Variants in CNKSR2 observed in about 807,000 individuals in gnomAD.
CNKSR2 encodes the protein connector enhancer of kinase suppressor of Ras 2.
In CNKSR2, 14 loss-of-function variants were observed where a neutral mutation model predicts 84.4. The observed-to-expected ratio is 0.17, with a 90% CI of 0.11 to 0.26. The LOEUF (loss-of-function observed/expected upper bound fraction) is 0.26. Among genes scored for constraint, CNKSR2 ranks in the 10% least tolerant of loss-of-function variants. The probability of loss-of-function intolerance (pLI) is 1.00; values close to 1 mark genes in which losing one functional copy is unlikely to be tolerated. For synonymous variants in CNKSR2, 275 were observed against 277.9 expected (o/e 0.99, Z 0.10); for missense variants, 485 against 771.2 (o/e 0.63, Z 4.40).
chrX:21,527,301 G>T (rs2091844542), intron 10 of CNKSR2, among the ~76,000 whole-genome samples: 1 of 110,163 alleles, frequency 9.1e-6, no homozygotes, highest in African/African-American at 3.3e-5. Flanking sequence ...AACAATAAGT[G>T]AGGCTGTTTG....
chrX:21,572,008 C>G (rs1481511077), intron 13 of CNKSR2, among the ~76,000 whole-genome samples: 1 of 112,307 alleles, frequency 8.9e-6, no homozygotes. Flanking sequence ...TTCTCCCAAT[C>G]AAGGTACATT....
intron 20 of CNKSR2, among the ~76,000 whole-genome samples, chrX:21,627,289 G>A (rs1319891312): frequency 3.7e-5 from 4 of 109,048 alleles, no homozygotes; most frequent in African/African-American, 1.3e-4. Context: ...TCAGGAGATC[G>A]AGACCATCCT....
chrX:21,374,688 C>G lies in CNKSR2; in HGVS notation c.-210C>G, dbSNP rs780422229. On this transcript the variant is annotated 5_prime_UTR_variant, in exon 1 of 22. Coordinates refer to ENST00000379510, the MANE Select transcript of CNKSR2 (RefSeq NM_014927.5). ...GCAGACCCGGCGCGGAGCCACGACT[C>G]CTGCACGTTTACCTCCCTGTCGCCG... The G allele has an allele frequency of 2.0e-6, 1 of 508,629 alleles. No homozygotes were observed. Among genetic ancestry groups the G allele is most frequent in the East Asian group, 3.7e-5 (1 of 27,026 alleles). 41.9% of individuals were successfully genotyped at this position (508,629 alleles called of 1,213,427 possible). A position where few individuals can be genotyped will look rare whatever the true frequency, so the allele number is the denominator to read the frequency against.
At chrX:21,465,109 G>A (rs2091110025) in intron 4 of CNKSR2, among the ~76,000 whole-genome samples, 2 of 111,986 alleles carry the variant, frequency 1.8e-5, no homozygotes, top group African/African-American at 3.2e-5. Flanking sequence ...TTAGGGCCAG[G>A]TAAAATATCA....
At chrX:21,603,162 C>T (rs891721731) in intron 18 of CNKSR2, among the ~76,000 whole-genome samples, 1 of 112,207 alleles carries the variant, frequency 8.9e-6, no homozygotes, top group African/African-American at 3.2e-5. Context: ...GAATCATAGG[C>T]AGAAGCTAGT....
chrX:21,389,428 T>C (rs1330690355), intron 1 of CNKSR2, among the ~76,000 whole-genome samples: 1 of 110,861 alleles, frequency 9.0e-6, no homozygotes, highest in Non-Finnish European at 1.9e-5. Flanking sequence ...TTTTTGCAAC[T>C]TTTCTGTAGA....
chrX:21,606,638 CCAAGG>C, intron 18 of CNKSR2, 136 bp from the exon 19 acceptor site: 1 of 377,162 alleles, frequency 2.7e-6, no homozygotes, highest in South Asian at 7.3e-5. Flanking sequence ...AGTTGGTAGG[CCAAGG>C]GTAAGGTAGT....
At chrX:21,639,379 A>C (rs1200865933) in intron 20 of CNKSR2, among the ~76,000 whole-genome samples, 3 of 112,014 alleles carry the variant, frequency 2.7e-5, no homozygotes, top group Non-Finnish European at 5.6e-5. Flanking sequence ...GTACACGTAT[A>C]CTTAAGATTC....
At chrX:21,379,116 T>C (rs982363526) in intron 1 of CNKSR2, among the ~76,000 whole-genome samples, 12 of 112,661 alleles carry the variant, frequency 1.1e-4, no homozygotes, top group African/African-American at 3.9e-4. Context: ...ATGTAGTGAT[T>C]ATATAAAGTC....
chrX:21,485,209 G>T (rs1188078881), intron 5 of CNKSR2, among the ~76,000 whole-genome samples: 1 of 111,257 alleles, frequency 9.0e-6, no homozygotes, highest in East Asian at 2.8e-4. Flanking sequence ...AACAATAGTA[G>T]CTAAAACTTC....
chrX:21,412,401 C>G (rs1034432316), intron 1 of CNKSR2, among the ~76,000 whole-genome samples: 1 of 112,105 alleles, frequency 8.9e-6, no homozygotes, highest in Non-Finnish European at 1.9e-5. Flanking sequence ...CATTTAGATA[C>G]AAAATTCTTT....
chrX:21,624,163 G>C (rs774267983), intron 20 of CNKSR2, among the ~76,000 whole-genome samples: 24 of 111,757 alleles, frequency 2.1e-4, no homozygotes, highest in African/African-American at 7.5e-4. Flanking sequence ...AAAATGCAGA[G>C]ATATTCTATT....
At chrX:21,470,855 T>C in intron 5 of CNKSR2, 48 bp downstream of exon 5, 1 of 729,293 alleles carries the variant, frequency 1.4e-6, no homozygotes, top group Middle Eastern at 3.4e-4. Context: ...GATATTTCCT[T>C]GTTCAACTAG....
At chrX:21,438,976 T>C (rs529005223) in intron 3 of CNKSR2, among the ~76,000 whole-genome samples, 7 of 111,158 alleles carry the variant, frequency 6.3e-5, no homozygotes, top group African/African-American at 2.3e-4. Flanking sequence ...AAAGAGGAAG[T>C]AGACAAATCC....
rs2092728350 is a variant in CNKSR2, at chrX:21,654,409, T to C, written c.*1888T>C. The C allele has an allele frequency of 9.3e-6, 1 of 107,871 alleles. No individual in the cohort carries two copies. Among genetic ancestry groups the C allele is most frequent in the Admixed American group, 1.0e-4 (1 of 9,912 alleles). The allele number at this position is 107,871 out of a possible 1,213,427, so 8.9% of individuals were successfully genotyped here. On this transcript the variant is annotated 3_prime_UTR_variant, in exon 22 of 22. Transcript: ENST00000379510. ...TAAAAATATATGTACCTGATGGATG[T>C]GTCATGTTTACAGTGGCCAGGTTGT...
At chrX:21,623,288 G>A (rs2092609660) in intron 20 of CNKSR2, among the ~76,000 whole-genome samples, 1 of 111,377 alleles carries the variant, frequency 9.0e-6, no homozygotes, top group Non-Finnish European at 1.9e-5. Flanking sequence ...TTTACCTAAA[G>A]TAATAATGAC....
intron 11 of CNKSR2, among the ~76,000 whole-genome samples, chrX:21,542,208 T>C (rs1054244779): frequency 2.7e-5 from 3 of 112,531 alleles, no homozygotes; most frequent in Non-Finnish European, 5.6e-5. Context: ...TATGGAAACA[T>C]GGATACCAGT....
chrX:21,542,716 G>T (rs1437065337), intron 11 of CNKSR2, among the ~76,000 whole-genome samples: 1 of 111,522 alleles, frequency 9.0e-6, no homozygotes, highest in Non-Finnish European at 1.9e-5. Flanking sequence ...GACACAGTTG[G>T]CTGAGTCCCT....
At chrX:21,413,950 C>A (rs961816850) in intron 1 of CNKSR2, among the ~76,000 whole-genome samples, 2 of 110,600 alleles carry the variant, frequency 1.8e-5, no homozygotes, top group African/African-American at 6.6e-5. Context: ...CAATGACATT[C>A]TTCACAGAAA....
Sources: allele counts gnomAD v4.1 joint callset (sites outside exome capture counted in the v4.1 genomes callset), GRCh38; gene constraint gnomAD v4.1.1; transcripts MANE v1.5; gene names NCBI Gene and HGNC (gene_info 2026-07-23, HGNC 2026-07-21).